ABTB3: variants seen among roughly 807,000 people sequenced by gnomAD.
The protein encoded by ABTB3 is ankyrin repeat and BTB domain containing 3.
At chr12:107,508,720 T>C in the ABTB3 span, among the ~76,000 whole-genome samples, 2 of 152,082 alleles carry the variant, frequency 1.3e-5, no homozygotes, top group African/African-American at 4.8e-5. Context: ...AGTGCTGGGA[T>C]TACAGGCGTG....
chr12:107,630,749 T>G, the ABTB3 span, among the ~76,000 whole-genome samples: 1 of 152,222 alleles, frequency 6.6e-6, no homozygotes, highest in East Asian at 1.9e-4. Flanking sequence ...AAATAGATTT[T>G]ATTTTTTTAG....
the ABTB3 span, among the ~76,000 whole-genome samples, chr12:107,585,820 C>T: frequency 3.3e-5 from 5 of 152,122 alleles, no homozygotes; most frequent in African/African-American, 9.7e-5. Flanking sequence ...GCCTGCCCGA[C>T]CCACACAGGA....
chr12:107,514,218 C>T, the ABTB3 span, among the ~76,000 whole-genome samples: 3 of 152,212 alleles, frequency 2.0e-5, no homozygotes, highest in Non-Finnish European at 4.4e-5. Context: ...CCCTCTTGCT[C>T]TACCCCACCT....
At chr12:107,517,698 G>C in the ABTB3 span, among the ~76,000 whole-genome samples, 1 of 152,120 alleles carries the variant, frequency 6.6e-6, no homozygotes, top group South Asian at 2.1e-4. Flanking sequence ...TGGTGTATAG[G>C]AATAGGCAAG....
the ABTB3 span, among the ~76,000 whole-genome samples, chr12:107,485,449 CCTT>C: frequency 6.6e-6 from 1 of 152,088 alleles, no homozygotes; most frequent in African/African-American, 2.4e-5. Flanking sequence ...TACTTTAATT[CCTT>C]CTTCTTCTGA....
chr12:107,358,769 A>G, the ABTB3 span, among the ~76,000 whole-genome samples: 1 of 152,128 alleles, frequency 6.6e-6, no homozygotes, highest in Non-Finnish European at 1.5e-5. Context: ...TAAGTTTTGT[A>G]TTTTTAGTAG....
the ABTB3 span, among the ~76,000 whole-genome samples, chr12:107,353,055 T>G: frequency 1.3e-5 from 2 of 152,210 alleles, no homozygotes; most frequent in Non-Finnish European, 2.9e-5. Context: ...TTGATCCAAC[T>G]GTAGGAGACC....
the ABTB3 span, among the ~76,000 whole-genome samples, chr12:107,460,417 G>A: frequency 6.6e-6 from 1 of 152,374 alleles, no homozygotes; most frequent in South Asian, 2.1e-4. Context: ...CACTTTGGGA[G>A]ACCAAGGCAG....
the ABTB3 span, among the ~76,000 whole-genome samples, chr12:107,607,058 G>A: frequency 6.6e-6 from 1 of 152,170 alleles, no homozygotes; most frequent in Non-Finnish European, 1.5e-5. Flanking sequence ...CCTGGAGATA[G>A]ATGCTGTGTT....
chr12:107,319,404 C>T, the ABTB3 span: 5 of 1,600,680 alleles, frequency 3.1e-6, no homozygotes, highest in Non-Finnish European at 4.3e-6. Context: ...CTGCGCTTCG[C>T]CAAGTGCACC....
At chr12:107,535,093 G>A in the ABTB3 span, among the ~76,000 whole-genome samples, 2,024 of 152,114 alleles carry the variant, frequency 0.013, 40 homozygotes, top group African/African-American at 0.043. Flanking sequence ...ATAATACATC[G>A]TAATCTGGTT....
chr12:107,644,239 T>A, the ABTB3 span, among the ~76,000 whole-genome samples: 3 of 152,010 alleles, frequency 2.0e-5, no homozygotes, highest in Non-Finnish European at 2.9e-5. Flanking sequence ...GTGCTGAGAG[T>A]AAGAACAGTT....
chr12:107,486,148 C>G, the ABTB3 span, among the ~76,000 whole-genome samples: 1 of 152,100 alleles, frequency 6.6e-6, no homozygotes, highest in Non-Finnish European at 1.5e-5. Context: ...GGGGGCAGAT[C>G]CCTCATGAAT....
chr12:107,610,511 G>T, the ABTB3 span: 1 of 733,218 alleles, frequency 1.4e-6, no homozygotes, highest in Non-Finnish European at 2.1e-6. Flanking sequence ...TTTTTCTTCA[G>T]TTTTTAAAAT....
the ABTB3 span, among the ~76,000 whole-genome samples, chr12:107,403,029 C>A: frequency 6.6e-6 from 1 of 152,352 alleles, no homozygotes; most frequent in South Asian, 2.1e-4. Context: ...TTCTTCTCCT[C>A]CATCTGCTCC....
At chr12:107,441,598 T>A in the ABTB3 span, among the ~76,000 whole-genome samples, 208 of 151,970 alleles carry the variant, frequency 1.4e-3, 1 homozygote, top group African/African-American at 4.9e-3. Context: ...ACATTCTGCA[T>A]ATGTACCCCA....
chr12:107,414,898 GACACAGGA>G, the ABTB3 span, among the ~76,000 whole-genome samples: 2 of 151,744 alleles, frequency 1.3e-5, no homozygotes, highest in Non-Finnish European at 2.9e-5. Flanking sequence ...ATTTTTAGTA[GACACAGGA>G]TTTCACCATG....
the ABTB3 span, among the ~76,000 whole-genome samples, chr12:107,369,392 G>GTTTTT: frequency 1.6e-4 from 22 of 134,904 alleles, no homozygotes; most frequent in Non-Finnish European, 1.9e-4. Context: ...TCAAACAAGG[G>GTTTTT]TTTTTTTTTT....
the ABTB3 span, among the ~76,000 whole-genome samples, chr12:107,598,948 C>G: frequency 6.6e-6 from 1 of 152,206 alleles, no homozygotes; most frequent in Non-Finnish European, 1.5e-5. Flanking sequence ...GGATGTTCCT[C>G]CTTCCTGGAT....
Sources: allele counts gnomAD v4.1 joint callset (sites outside exome capture counted in the v4.1 genomes callset), GRCh38; gene constraint gnomAD v4.1.1; transcripts MANE v1.5; gene names NCBI Gene and HGNC (gene_info 2026-07-23, HGNC 2026-07-21).